Variants in NRF1 observed in about 807,000 individuals in gnomAD.
NRF1 encodes nuclear respiratory factor 1, also known as alpha palindromic-binding protein.
Under a neutral mutation model 58.5 loss-of-function variants are expected in NRF1, and 5 were observed. The ratio of observed to expected loss-of-function variants is 0.09; its 90% confidence interval spans 0.04 to 0.18. The LOEUF (loss-of-function observed/expected upper bound fraction) is 0.18, where lower values mean the gene tolerates loss of function less well. Ranked by LOEUF, NRF1 falls within the 10% of genes least tolerant of loss-of-function variation. NRF1 has a pLI of 1.00. For missense variants in NRF1, 288 were observed against 657.7 expected (o/e 0.44, Z 6.15); for synonymous variants, 224 against 246.7 (o/e 0.91, Z 0.86).
chr7:129,751,854 G>C (rs1256434561), intron 10 of NRF1, among the ~76,000 whole-genome samples: 1 of 152,234 alleles, frequency 6.6e-6, no homozygotes, highest in Non-Finnish European at 1.5e-5. Flanking sequence ...AACTTTGCCT[G>C]TTTTGACCAG....
chr7:129,612,600 G>A (rs1035927762), intron 1 of NRF1, among the ~76,000 whole-genome samples: 1 of 152,216 alleles, frequency 6.6e-6, no homozygotes, highest in Non-Finnish European at 1.5e-5. Flanking sequence ...GAGGGGCCGC[G>A]GTTCTTCCTG....
At chr7:129,631,633 A>G (rs1801051919) in intron 1 of NRF1, among the ~76,000 whole-genome samples, 1 of 152,176 alleles carries the variant, frequency 6.6e-6, no homozygotes, top group Non-Finnish European at 1.5e-5. Context: ...TGGTTTTATC[A>G]TAGCATATTA....
chr7:129,735,202 G>A, intron 10 of NRF1: 1 of 985,442 alleles, frequency 1.0e-6, no homozygotes, highest in South Asian at 4.7e-5. Flanking sequence ...CCCTCCTCAT[G>A]TTCTGAATGA....
chr7:129,657,711 G>A (rs891719939), intron 2 of NRF1, 137 bp downstream of exon 2: 6 of 619,656 alleles, frequency 9.7e-6, no homozygotes, highest in Non-Finnish European at 1.7e-5. Context: ...CCGGGTTCAA[G>A]TGATTCTCCC....
intron 1 of NRF1, among the ~76,000 whole-genome samples, chr7:129,623,410 A>T (rs1800847794): frequency 6.6e-6 from 1 of 151,522 alleles, no homozygotes; most frequent in Non-Finnish European, 1.5e-5. Flanking sequence ...TCTCTAGGGA[A>T]TTCAAAAGAT....
At chr7:129,657,901 A>G (rs551675644) in intron 2 of NRF1, among the ~76,000 whole-genome samples, 54 of 152,116 alleles carry the variant, frequency 3.5e-4, no homozygotes, top group Admixed American at 9.2e-4. Flanking sequence ...GTGAGTTACT[A>G]TGCCTGGCCT....
intron 1 of NRF1, among the ~76,000 whole-genome samples, chr7:129,629,244 A>G (rs1227875078): frequency 1.3e-5 from 2 of 151,278 alleles, no homozygotes; most frequent in East Asian, 3.9e-4. Flanking sequence ...AAAGCAGCTA[A>G]TTCAGCTTAC....
At chr7:129,685,903 G>A (rs1802433168) in intron 4 of NRF1, among the ~76,000 whole-genome samples, 1 of 151,874 alleles carries the variant, frequency 6.6e-6, no homozygotes, top group South Asian at 2.1e-4. Flanking sequence ...GAGGTCAGGA[G>A]TTTGAGACCA....
intron 1 of NRF1, among the ~76,000 whole-genome samples, chr7:129,620,279 C>G (rs1800762397): frequency 6.6e-6 from 1 of 151,996 alleles, no homozygotes; most frequent in African/African-American, 2.4e-5. Context: ...AGAATTTTGT[C>G]AAGTCTCTGG....
chr7:129,754,475 A>AAAAAAAAAAAAAAAAAAG (rs1804202845), intron 10 of NRF1, among the ~76,000 whole-genome samples: 1 of 150,104 alleles, frequency 6.7e-6, no homozygotes, highest in Non-Finnish European at 1.5e-5. Flanking sequence ...AAAAAAAAAA[A>AAAAAAAAAAAAAAAAAAG]AAAAAAAAGT....
intron 2 of NRF1, among the ~76,000 whole-genome samples, chr7:129,658,291 T>A (rs1801703983): frequency 6.6e-6 from 1 of 152,176 alleles, no homozygotes. Flanking sequence ...ACATCCTTTA[T>A]TTATCAATGC....
intron 1 of NRF1, among the ~76,000 whole-genome samples, chr7:129,645,533 A>G (rs78647648): frequency 0.03 from 4,609 of 152,300 alleles, 214 homozygotes; most frequent in African/African-American, 0.1. Context: ...CAGTAGGTCT[A>G]CGCAGTCCGC....
intron 5 of NRF1, among the ~76,000 whole-genome samples, chr7:129,705,456 A>G (rs188615018): frequency 2.4e-4 from 37 of 152,146 alleles, no homozygotes; most frequent in African/African-American, 8.4e-4. Flanking sequence ...ATGCCTGGCT[A>G]ATTTTTGTAT....
intron 3 of NRF1, among the ~76,000 whole-genome samples, chr7:129,674,508 C>T (rs1460673959): frequency 6.6e-6 from 1 of 152,080 alleles, no homozygotes; most frequent in Non-Finnish European, 1.5e-5. Context: ...GATCATGGCT[C>T]ACTGCAGCCT....
At chr7:129,643,228 C>G (rs1801333988) in intron 1 of NRF1, among the ~76,000 whole-genome samples, 1 of 152,110 alleles carries the variant, frequency 6.6e-6, no homozygotes, top group African/African-American at 2.4e-5. Context: ...ATTGAGCTGT[C>G]CTGCAGAAGC....
At chr7:129,620,843 G>A (rs2151056187) in intron 1 of NRF1, among the ~76,000 whole-genome samples, 1 of 152,244 alleles carries the variant, frequency 6.6e-6, no homozygotes, top group Admixed American at 6.5e-5. Context: ...AATTTTAAAT[G>A]CACAAATATT....
At chr7:129,742,930 T>C (rs1215601784) in intron 10 of NRF1, among the ~76,000 whole-genome samples, 1 of 152,190 alleles carries the variant, frequency 6.6e-6, no homozygotes, top group Non-Finnish European at 1.5e-5. Context: ...AACGTGCCCA[T>C]CATCACAGGA....
At chr7:129,672,518 A>G (rs1802070739) in intron 3 of NRF1, among the ~76,000 whole-genome samples, 1 of 152,206 alleles carries the variant, frequency 6.6e-6, no homozygotes, top group South Asian at 2.1e-4. Flanking sequence ...GAGACCAATT[A>G]GGTGGTGATT....
intron 1 of NRF1, among the ~76,000 whole-genome samples, chr7:129,645,757 CAT>C (rs1255601149): frequency 1.3e-5 from 2 of 152,188 alleles, no homozygotes; most frequent in East Asian, 1.9e-4. Flanking sequence ...GACTCACAAA[CAT>C]AAGTTTGTGT....
Sources: gnomAD v4.1 joint callset for allele counts (sites outside exome capture counted in the v4.1 genomes callset) on GRCh38, gnomAD v4.1.1 for gene constraint, MANE v1.5 for transcripts, NCBI Gene and HGNC (gene_info 2026-07-23, HGNC 2026-07-21) for gene names.